The following TRAM2 variants were observed in gnomAD, a reference collection of about 807,000 sequenced individuals.
TRAM2 encodes translocation associated membrane protein 2.
A neutral mutation model predicts 51.0 loss-of-function variants in TRAM2; 12 were observed. The observed-to-expected ratio is 0.24, with a 90% confidence interval of 0.15 to 0.38. TRAM2 has a LOEUF of 0.38. TRAM2 is among the 10% of genes least tolerant of loss of function. The pLI, the probability that TRAM2 is intolerant of heterozygous loss-of-function variation, is 1.00. For synonymous variants in TRAM2, 175 were observed against 179.4 expected (o/e 0.98, Z 0.20); for missense variants, 361 against 462.0 (o/e 0.78, Z 2.00).
chr6:52,576,750 G>A (rs749605275), intron 1 of TRAM2, 46 bp downstream of exon 1: 25 of 1,600,418 alleles, frequency 1.6e-5, no homozygotes, highest in Non-Finnish European at 2.0e-5. Context: ...GGCGGTGCAC[G>A]ACAGGGGGCA....
chr6:52,572,314 G>C (rs976715837), intron 1 of TRAM2, among the ~76,000 whole-genome samples: 1 of 152,238 alleles, frequency 6.6e-6, no homozygotes, highest in African/African-American at 2.4e-5. Flanking sequence ...TTAGAAGTTA[G>C]TCAAAGAGGC....
chr6:52,522,362 G>A (rs960191026), intron 2 of TRAM2, among the ~76,000 whole-genome samples: 3 of 152,268 alleles, frequency 2.0e-5, no homozygotes, highest in African/African-American at 4.8e-5. Context: ...CCAGTGGCTG[G>A]AGTCCCAATG....
Position 52,535,681 on chromosome 6 carries a change from T to TG in TRAM2, c.184+101dup, listed in dbSNP as rs1396032457. Reference sequence around the variant, plus strand: ...GGGTGACAGAGCAGAGACTCCGTCATGGGGGAAAAAAAAAAAATTGTACAC... The same window carrying TG: ...GGGTGACAGAGCAGAGACTCCGTCATGGGGGGAAAAAAAAAAAATTGTACAC... On this transcript the variant is annotated intron_variant, in intron 2 of 10. Coordinates refer to ENST00000182527, the MANE Select transcript of TRAM2 (RefSeq NM_012288.4). 12 of 1,025,692 alleles carry TG rather than the reference T, an allele frequency of 1.2e-5. No homozygotes were observed. The South Asian group carries it at 1.5e-4, about 13-fold the overall frequency. The allele number at this position is 1,025,692 out of a possible 1,614,324, so 63.5% of individuals were successfully genotyped here. A position where few individuals can be genotyped will look rare whatever the true frequency, so the allele number is the denominator to read the frequency against.
At chr6:52,541,803 G>GTTTTTTTTTTTTTTTTTTTTTTTTTTTT (rs56919932) in intron 1 of TRAM2, among the ~76,000 whole-genome samples, 5 of 138,686 alleles carry the variant, frequency 3.6e-5, no homozygotes, top group African/African-American at 1.1e-4. Context: ...AGTTTATTCT[G>GTTTTTTTTTTTTTTTTTTTTTTTTTTTT]TTTTTTTTTT....
intron 2 of TRAM2, among the ~76,000 whole-genome samples, chr6:52,519,959 CAGAA>C (rs1464726982): frequency 1.3e-5 from 2 of 152,084 alleles, no homozygotes; most frequent in East Asian, 1.9e-4. Flanking sequence ...AATTCAGAGA[CAGAA>C]AGCAAAATGG....
intron 2 of TRAM2, among the ~76,000 whole-genome samples, chr6:52,533,849 T>C (rs1766933329): frequency 6.6e-6 from 1 of 152,220 alleles, no homozygotes; most frequent in Admixed American, 6.5e-5. Flanking sequence ...CCCAACACTT[T>C]GGGAGGCTGA....
At position 52,541,803 on chromosome 6, in the gene TRAM2, G is replaced by GTTTTTTTTTTTTTTTT. The variant is rs56919932; in HGVS notation, c.121-5958_121-5957insAAAAAAAAAAAAAAAA. Among the ~76,000 whole-genome samples, 508 of 138,540 alleles carry GTTTTTTTTTTTTTTTT rather than the reference G, an allele frequency of 3.7e-3. 7 individuals carry two copies. The highest frequency in any genetic ancestry group is 0.016 in the South Asian group (66 of 4,224). 90.9% of individuals were successfully genotyped at this position (138,540 alleles called of 152,430 possible). On this transcript the variant is annotated intron_variant, in intron 1 of 10. Coordinates refer to ENST00000182527, the MANE Select transcript of TRAM2 (RefSeq NM_012288.4). ...TAAATCCTTTGGTTCAGTTTATTCT[G>GTTTTTTTTTTTTTTTT]TTTTTTTTTTTTTTGGCAGACACAT... is the stretch of plus-strand genomic sequence containing the variant.
At chr6:52,549,902 C>T (rs1767279029) in intron 1 of TRAM2, among the ~76,000 whole-genome samples, 1 of 152,142 alleles carries the variant, frequency 6.6e-6, no homozygotes, top group South Asian at 2.1e-4. Context: ...AAACGTCTGT[C>T]CAAAAGTCCT....
At chr6:52,551,313 A>G (rs1381498800) in intron 1 of TRAM2, among the ~76,000 whole-genome samples, 4 of 152,182 alleles carry the variant, frequency 2.6e-5, no homozygotes, top group African/African-American at 9.7e-5. Flanking sequence ...TTAATATCTG[A>G]TCTGTTTCAG....
rs73447922 is a variant in TRAM2 at position 52,527,555 on chromosome 6, G to T, written c.184+8228C>A. On this transcript the variant is annotated intron_variant, in intron 2 of 10. Transcript: ENST00000182527. ...GGAAGAGCAAGATGATTCACTAGGA[G>T]AAGACATTTGGGGGCTCAGTGCAGC... is the stretch of plus-strand genomic sequence containing the variant. Among the ~76,000 whole-genome samples the T allele has an allele frequency of 5.2e-3, 799 of 152,234 alleles. 5 individuals are homozygous for T. Among genetic ancestry groups the T allele is most frequent in the African/African-American group, 0.018 (748 of 41,534 alleles).
chr6:52,510,821 T>C (rs1766439101), intron 4 of TRAM2, among the ~76,000 whole-genome samples: 1 of 152,172 alleles, frequency 6.6e-6, no homozygotes, highest in Admixed American at 6.5e-5. Context: ...CCAAGGATGC[T>C]CCACAGATAA....
intron 5 of TRAM2, among the ~76,000 whole-genome samples, chr6:52,509,282 T>C (rs1023491437): frequency 1.3e-5 from 2 of 152,228 alleles, no homozygotes; most frequent in African/African-American, 4.8e-5. Context: ...CTTCTGAATC[T>C]GTCTCATGCA....
intron 1 of TRAM2, among the ~76,000 whole-genome samples, chr6:52,563,369 C>G (rs1024655320): frequency 6.6e-6 from 1 of 152,154 alleles, no homozygotes; most frequent in East Asian, 1.9e-4. Flanking sequence ...TTATTTATAG[C>G]TTCTTGTATT....
chr6:52,515,884 C>A, intron 4 of TRAM2, 122 bp downstream of exon 4: 2 of 797,486 alleles, frequency 2.5e-6, no homozygotes, highest in Admixed American at 4.6e-5. Context: ...GAAACTTGTT[C>A]CCCTTAACAG....
At position 52,502,956 on chromosome 6, in the gene TRAM2, G is replaced by A. The variant is rs1243973219; in HGVS notation, c.*241C>T. 1.7e-6 allele frequency: 1 copy of A among 583,422 alleles called. No homozygotes were observed. Among genetic ancestry groups the A allele is most frequent in the Non-Finnish European group, 3.1e-6 (1 of 327,722 alleles). 36.1% of individuals were successfully genotyped at this position (583,422 alleles called of 1,614,324 possible). A position where few individuals can be genotyped will look rare whatever the true frequency, so the allele number is the denominator to read the frequency against. ...CCAGCACAGGACAGGAGTGAGGACA[G>A]GAGGTGGCCTGAGGGGGAGAAAGAG... On this transcript the variant is annotated 3_prime_UTR_variant, in exon 11 of 11. Coordinates refer to ENST00000182527, the MANE Select transcript of TRAM2 (RefSeq NM_012288.4).
chr6:52,509,142 T>C (rs930912578), intron 5 of TRAM2, among the ~76,000 whole-genome samples: 4 of 152,098 alleles, frequency 2.6e-5, no homozygotes, highest in Non-Finnish European at 4.4e-5. Context: ...GGCAGCACTA[T>C]ATGAGGCAGA....
intron 2 of TRAM2, among the ~76,000 whole-genome samples, chr6:52,531,493 C>T (rs533833550): frequency 6.6e-6 from 1 of 152,318 alleles, no homozygotes; most frequent in South Asian, 2.1e-4. Context: ...GTACCTTTTC[C>T]TCTACCCAGG....
chr6:52,526,182 C>G (rs186763157), intron 2 of TRAM2, among the ~76,000 whole-genome samples: 6 of 123,912 alleles, frequency 4.8e-5, no homozygotes, highest in Non-Finnish European at 8.7e-5. Flanking sequence ...CACACACACA[C>G]ACACACACAC....
intron 1 of TRAM2, among the ~76,000 whole-genome samples, chr6:52,573,577 G>A (rs147796440): frequency 0.013 from 1,957 of 152,286 alleles, 21 homozygotes; most frequent in East Asian, 0.029. Context: ...CCCTGCCTTC[G>A]AAACAGGATG....
Sources: allele counts gnomAD v4.1 joint callset (sites outside exome capture counted in the v4.1 genomes callset), GRCh38; gene constraint gnomAD v4.1.1; transcripts MANE v1.5; gene names NCBI Gene and HGNC (gene_info 2026-07-23, HGNC 2026-07-21).